Variants in MSI2 observed in about 807,000 individuals in gnomAD.
MSI2 encodes musashi RNA binding protein 2.
MSI2 carries 17 observed loss-of-function variants against 45.6 expected under a neutral mutation model. The observed-to-expected ratio is 0.37, with a 90% CI of 0.26 to 0.56. MSI2 has a LOEUF of 0.56. Among genes scored for constraint, MSI2 ranks in the 20% least tolerant of loss-of-function variants. MSI2 has a pLI of 0.77. For synonymous variants in MSI2, 156 were observed against 158.2 expected (o/e 0.99, Z 0.11); for missense variants, 293 against 444.2 (o/e 0.66, Z 3.06).
downstream of MSI2, among the ~76,000 whole-genome samples, chr17:57,689,160 A>G (rs1019018364): frequency 6.9e-6 from 1 of 144,316 alleles, no homozygotes; most frequent in African/African-American, 2.6e-5. Context: ...AATTGTATGC[A>G]GTGATATGTG....
At chr17:57,312,950 G>A (rs1421734554) in intron 5 of MSI2, among the ~76,000 whole-genome samples, 4 of 152,192 alleles carry the variant, frequency 2.6e-5, no homozygotes, top group Admixed American at 1.3e-4. Flanking sequence ...GGGTTCAAGC[G>A]ATTCTCCTGC....
chr17:57,649,070 G>T (rs908311618), intron 10 of MSI2, among the ~76,000 whole-genome samples: 1 of 152,154 alleles, frequency 6.6e-6, no homozygotes, highest in Non-Finnish European at 1.5e-5. Context: ...TTAGGCTCAG[G>T]CCACCAGGAT....
intron 5 of MSI2, among the ~76,000 whole-genome samples, chr17:57,377,811 C>T (rs1203848087): frequency 6.6e-6 from 1 of 152,168 alleles, no homozygotes; most frequent in Non-Finnish European, 1.5e-5. Flanking sequence ...CACAGTGGCT[C>T]ACGCCTGTAA....
At chr17:57,311,381 A>G (rs1421958289) in intron 5 of MSI2, among the ~76,000 whole-genome samples, 1 of 152,222 alleles carries the variant, frequency 6.6e-6, no homozygotes, top group Non-Finnish European at 1.5e-5. Context: ...AGGATTAAAG[A>G]TAAAAGAGAG....
chr17:57,346,415 T>G (rs142832975), intron 5 of MSI2, among the ~76,000 whole-genome samples: 79 of 152,138 alleles, frequency 5.2e-4, no homozygotes, highest in Non-Finnish European at 1.0e-3. Context: ...ATCTACCCCT[T>G]TGCTCTGATA....
intron 5 of MSI2, among the ~76,000 whole-genome samples, chr17:57,281,678 C>T (rs192333606): frequency 4.6e-5 from 7 of 152,266 alleles, no homozygotes; most frequent in South Asian, 4.2e-4. Context: ...CAGCCATGCT[C>T]GGGAGAGGCG....
At chr17:57,562,943 C>T (rs1043066318) in intron 7 of MSI2, among the ~76,000 whole-genome samples, 2 of 151,568 alleles carry the variant, frequency 1.3e-5, no homozygotes, top group Admixed American at 6.6e-5. Flanking sequence ...ACTAAAAATA[C>T]AAAAGTTAGC....
At chr17:57,369,396 G>C (rs2083388543) in intron 5 of MSI2, among the ~76,000 whole-genome samples, 1 of 152,198 alleles carries the variant, frequency 6.6e-6, no homozygotes, top group Non-Finnish European at 1.5e-5. Flanking sequence ...ATGACCTTGG[G>C]AAGGGTCTTG....
At chr17:57,635,007 C>CT (rs1321163859) in intron 10 of MSI2, among the ~76,000 whole-genome samples, 7 of 152,208 alleles carry the variant, frequency 4.6e-5, no homozygotes, top group Admixed American at 6.5e-5. Context: ...TCAGAGGTGT[C>CT]TTTTTTCCAG....
intron 7 of MSI2, among the ~76,000 whole-genome samples, chr17:57,570,657 A>G (rs1310780666): frequency 6.6e-6 from 1 of 152,194 alleles, no homozygotes; most frequent in Non-Finnish European, 1.5e-5. Flanking sequence ...CATTATGCCT[A>G]TTCAGATTGT....
chr17:57,558,196 G>A (rs187297620), intron 7 of MSI2, among the ~76,000 whole-genome samples: 18 of 152,276 alleles, frequency 1.2e-4, no homozygotes, highest in African/African-American at 3.1e-4. Flanking sequence ...TGGTCTCAGC[G>A]TATTAGGCGC....
At chr17:57,321,943 C>T (rs1913379895) in intron 5 of MSI2, among the ~76,000 whole-genome samples, 1 of 151,976 alleles carries the variant, frequency 6.6e-6, no homozygotes, top group Non-Finnish European at 1.5e-5. Flanking sequence ...ATTACAGGCT[C>T]CCACCACCAT....
In MSI2 at chr17:57,529,618, G is replaced by T; in HGVS notation, c.406-58G>T. On this transcript the variant is annotated intron_variant, in intron 6 of 13. Transcript: ENST00000284073. This position sits in a 1 kb window ranked among gnomAD's most constrained non-coding sequence, Gnocchi z 5.3. ...CCTCACCCCCCGACATGCATATAAT[G>T]TTTTGTGTACTTTCTTAAAATTCCT... is the stretch of plus-strand genomic sequence containing the variant. 2 of 1,525,632 alleles carry T rather than the reference G, an allele frequency of 1.3e-6. No homozygotes were observed. The highest frequency in any genetic ancestry group is 1.7e-5 in the Admixed American group (1 of 58,954). The allele number at this position is 1,525,632 out of a possible 1,614,324, so 94.5% of individuals were successfully genotyped here. A position where few individuals can be genotyped will look rare whatever the true frequency, so the allele number is the denominator to read the frequency against.
chr17:57,265,180 C>G (rs1047134667), intron 5 of MSI2: 6 of 152,176 alleles, frequency 3.9e-5, no homozygotes, highest in African/African-American at 1.4e-4. Context: ...AACCCAGGAG[C>G]ATAGAACTTT....
chr17:57,682,519 A>G lies in MSI2; in HGVS notation c.*3002A>G, dbSNP rs1333120645. 1.4e-5 allele frequency: 3 copies of G among 207,904 alleles called. No homozygotes were observed. Among genetic ancestry groups the G allele is most frequent in the African/African-American group, 4.6e-5 (2 of 43,914 alleles). The allele number at this position is 207,904 out of a possible 1,614,324, so 12.9% of individuals were successfully genotyped here. A position where few individuals can be genotyped will look rare whatever the true frequency, so the allele number is the denominator to read the frequency against. ...GTGTGAATATGTTTTAGATGTTTATATACCTTTTGAAGAGACCCAGTAGCC... is the reference window on the plus strand; with the variant it reads ...GTGTGAATATGTTTTAGATGTTTATGTACCTTTTGAAGAGACCCAGTAGCC... On this transcript the variant is annotated 3_prime_UTR_variant, in exon 14 of 14. Transcript: ENST00000284073.
chr17:57,316,156 G>A (rs1452597322), intron 5 of MSI2, among the ~76,000 whole-genome samples: 1 of 152,024 alleles, frequency 6.6e-6, no homozygotes, highest in Middle Eastern at 3.2e-3. Context: ...CAGGGCCATA[G>A]CATGAAGGAG....
At chr17:57,521,295 G>A (rs532228380) in intron 6 of MSI2, among the ~76,000 whole-genome samples, 5 of 152,250 alleles carry the variant, frequency 3.3e-5, no homozygotes, top group East Asian at 3.9e-4. Context: ...AGCCCCTGCC[G>A]GCTCTAGGAC....
chr17:57,513,522 G>A (rs2086402270), intron 6 of MSI2, among the ~76,000 whole-genome samples: 1 of 152,218 alleles, frequency 6.6e-6, no homozygotes, highest in Admixed American at 6.5e-5. Context: ...TGGGTCATTG[G>A]CAGAAGAACT....
chr17:57,318,621 C>T (rs28373684), intron 5 of MSI2, among the ~76,000 whole-genome samples: 7,853 of 140,516 alleles, frequency 0.056, 545 homozygotes, highest in African/African-American at 0.17. Context: ...GTGTGAAACC[C>T]GGGTCTGAAA....
Sources: allele counts gnomAD v4.1 joint callset (sites outside exome capture counted in the v4.1 genomes callset), GRCh38; gene constraint gnomAD v4.1.1; non-coding constraint Gnocchi (gnomAD v3.1); transcripts MANE v1.5; gene names NCBI Gene and HGNC (gene_info 2026-07-23, HGNC 2026-07-21).